FANCC: variants seen among roughly 807,000 people sequenced by gnomAD.
FANCC encodes FA complementation group C.
A neutral mutation model predicts 71.3 loss-of-function variants in FANCC; 55 were observed. The observed-to-expected ratio is 0.77, with a 90% CI of 0.62 to 0.97. The LOEUF (loss-of-function observed/expected upper bound fraction) is 0.97. Ranked by LOEUF, FANCC falls within the 50% of genes least tolerant of loss-of-function variation. The pLI, the probability that FANCC is intolerant of heterozygous loss-of-function variation, is 0.00. For synonymous variants in FANCC, 275 were observed against 244.9 expected, an observed-to-expected ratio of 1.12 and a Z score of -1.15; for missense variants, 678 against 670.9, an observed-to-expected ratio of 1.01 and a Z score of -0.12.
intron 10 of FANCC, chr9:95,123,857 A>C: frequency 1.7e-6 from 1 of 599,794 alleles, no homozygotes; most frequent in Non-Finnish European, 3.2e-6. Context: ...ACCCCCACCA[A>C]AGCCCACGTA....
chr9:95,144,515 C>A (rs917262845), intron 7 of FANCC, among the ~76,000 whole-genome samples: 1 of 152,164 alleles, frequency 6.6e-6, no homozygotes, highest in Non-Finnish European at 1.5e-5. Context: ...TCTCTGGGCA[C>A]GTCGCCTGGC....
intron 4 of FANCC, among the ~76,000 whole-genome samples, chr9:95,200,219 C>T (rs1827719536): frequency 6.6e-6 from 1 of 152,134 alleles, no homozygotes; most frequent in Non-Finnish European, 1.5e-5. Flanking sequence ...GATCTCAGAG[C>T]AAAGCTGCTG....
At chr9:95,264,270 T>C (rs1245214399) in intron 1 of FANCC, among the ~76,000 whole-genome samples, 1 of 152,204 alleles carries the variant, frequency 6.6e-6, no homozygotes, top group African/African-American at 2.4e-5. Context: ...ACTTGGCACA[T>C]TGTAGGAGCA....
intron 4 of FANCC, among the ~76,000 whole-genome samples, chr9:95,184,455 A>G (rs1343617496): frequency 6.6e-6 from 1 of 152,188 alleles, no homozygotes; most frequent in Non-Finnish European, 1.5e-5. Context: ...TGTCCTCTAC[A>G]GAGTAAGATG....
intron 4 of FANCC, among the ~76,000 whole-genome samples, chr9:95,178,665 G>A (rs983187610): frequency 3.9e-5 from 6 of 152,224 alleles, no homozygotes; most frequent in African/African-American, 1.4e-4. Flanking sequence ...CAGCTGTGGT[G>A]CCTGTGCAAA....
At chr9:95,296,028 G>C (rs1419788255) in intron 1 of FANCC, among the ~76,000 whole-genome samples, 1 of 152,146 alleles carries the variant, frequency 6.6e-6, no homozygotes, top group Non-Finnish European at 1.5e-5. Context: ...ACTTTGGGAG[G>C]TGATGGGTAT....
chr9:95,192,025 G>A (rs1444520580), intron 4 of FANCC, among the ~76,000 whole-genome samples: 1 of 152,132 alleles, frequency 6.6e-6, no homozygotes, highest in Non-Finnish European at 1.5e-5. Flanking sequence ...CAATTTTTAT[G>A]AGTAAGAAAT....
intron 6 of FANCC, among the ~76,000 whole-genome samples, chr9:95,151,915 C>T (rs1172221104): frequency 1.4e-5 from 2 of 147,660 alleles, no homozygotes; most frequent in East Asian, 4.0e-4. Flanking sequence ...GAGACAAGAG[C>T]GAGACCTGTC....
At chr9:95,185,435 G>A (rs1168646288) in intron 4 of FANCC, among the ~76,000 whole-genome samples, 1 of 152,144 alleles carries the variant, frequency 6.6e-6, no homozygotes, top group Non-Finnish European at 1.5e-5. Flanking sequence ...ATGAATGGTT[G>A]GACTTCTTTA....
intron 4 of FANCC, among the ~76,000 whole-genome samples, chr9:95,225,376 G>A (rs914458746): frequency 6.6e-6 from 1 of 152,138 alleles, no homozygotes; most frequent in African/African-American, 2.4e-5. Flanking sequence ...TTATGTCTTG[G>A]AAATATAGAT....
chr9:95,207,166 T>C (rs1210948117), intron 4 of FANCC, among the ~76,000 whole-genome samples: 12 of 152,116 alleles, frequency 7.9e-5, no homozygotes. Context: ...AACTGGTCTA[T>C]ATCAGGGTGC....
intron 10 of FANCC, 51 bp downstream of exon 10, chr9:95,125,035 A>C (rs774353482): frequency 2.1e-5 from 31 of 1,483,034 alleles, no homozygotes; most frequent in Non-Finnish European, 2.6e-5. Context: ...AATACTCTCA[A>C]CAGCGTCTTA....
intron 7 of FANCC, among the ~76,000 whole-genome samples, chr9:95,148,323 C>T (rs1588175848): frequency 6.6e-6 from 1 of 152,214 alleles, no homozygotes; most frequent in Non-Finnish European, 1.5e-5. Context: ...ACAACTCTTT[C>T]AGCAGTGGGC....
chr9:95,129,291 G>A (rs891675015), intron 8 of FANCC, among the ~76,000 whole-genome samples: 1 of 152,194 alleles, frequency 6.6e-6, no homozygotes, highest in Non-Finnish European at 1.5e-5. Flanking sequence ...ATGAGGACTA[G>A]AGTACTACAG....
intron 6 of FANCC, among the ~76,000 whole-genome samples, chr9:95,152,719 AT>A (rs1174529946): frequency 6.6e-6 from 1 of 152,092 alleles, no homozygotes; most frequent in Non-Finnish European, 1.5e-5. Flanking sequence ...AAATTCTGAG[AT>A]TTTAATGCAT....
chr9:95,109,539 T>C (rs980301756), intron 13 of FANCC: 1 of 152,192 alleles, frequency 6.6e-6, no homozygotes, highest in Non-Finnish European at 1.5e-5. Flanking sequence ...TGTGATCTGA[T>C]TCAGTTGTTG....
At chr9:95,138,787 A>G (rs1404786071) in intron 7 of FANCC, among the ~76,000 whole-genome samples, 5 of 152,198 alleles carry the variant, frequency 3.3e-5, no homozygotes, top group Non-Finnish European at 5.9e-5. Context: ...GAACCAATGA[A>G]GAACCGACCC....
intron 4 of FANCC, among the ~76,000 whole-genome samples, chr9:95,230,029 G>A (rs926818428): frequency 1.5e-4 from 23 of 152,104 alleles, no homozygotes; most frequent in African/African-American, 5.6e-4. Flanking sequence ...GCCCAACTCT[G>A]CGGAATATAA....
intron 4 of FANCC, among the ~76,000 whole-genome samples, chr9:95,208,096 TTTTTTTTTTTTTTTTTTTG>T (rs1828254404): frequency 7.6e-6 from 1 of 132,164 alleles, no homozygotes; most frequent in African/African-American, 2.9e-5. Flanking sequence ...TTTTTTTTTT[TTTTTTTTTTTTTTTTTTTG>T]TGATGGAGTT....
Sources: gnomAD v4.1 joint callset for allele counts (sites outside exome capture counted in the v4.1 genomes callset) on GRCh38, gnomAD v4.1.1 for gene constraint, MANE v1.5 for transcripts, NCBI Gene and HGNC (gene_info 2026-07-23, HGNC 2026-07-21) for gene names.